Variants in DPP6 observed in about 807,000 individuals in gnomAD.
DPP6 encodes dipeptidyl peptidase like 6, also known as A-type potassium channel modulatory protein DPP6.
In DPP6, 69 loss-of-function variants were observed where a neutral mutation model predicts 122.6. The observed-to-expected ratio is 0.56, with a 90% CI of 0.46 to 0.69. DPP6 has a LOEUF of 0.69. DPP6 is among the 30% of genes least tolerant of loss of function. The pLI, the probability that DPP6 is intolerant of heterozygous loss-of-function variation, is 0.00. For synonymous variants in DPP6, 418 were observed against 433.1 expected (o/e 0.97, Z 0.43); for missense variants, 928 against 1,116.9 (o/e 0.83, Z 2.41).
At chr7:153,832,955 G>A in the DPP6 span, among the ~76,000 whole-genome samples, 1,158 of 152,274 alleles carry the variant, frequency 7.6e-3, 19 homozygotes, top group African/African-American at 0.027. Context: ...AAGCTCAGAT[G>A]TGGGGTGGTA....
intron 1 of DPP6, among the ~76,000 whole-genome samples, chr7:154,438,342 A>C (rs894688052): frequency 5.3e-5 from 8 of 151,346 alleles, no homozygotes; most frequent in Admixed American, 1.3e-4. Flanking sequence ...TGGTGGCGGG[A>C]GCCTGTAGTC....
chr7:154,014,579 T>C (rs1338498857), intron 1 of DPP6, among the ~76,000 whole-genome samples: 2 of 151,968 alleles, frequency 1.3e-5, no homozygotes, highest in Non-Finnish European at 2.9e-5. Flanking sequence ...CGCTTATTGC[T>C]TGAACCTGGG....
intron 1 of DPP6, chr7:153,887,759 G>T (rs771469463): frequency 1.1e-5 from 18 of 1,611,190 alleles, no homozygotes; most frequent in South Asian, 4.4e-5. Context: ...CAGGGCGCGC[G>T]CTGGGTCGGG....
At position 154,832,149 on chromosome 7, in the gene DPP6, G is replaced by A. The variant is rs569134264; in HGVS notation, c.1667-21631G>A. On this transcript the variant is annotated intron_variant, in intron 16 of 25. Coordinates refer to ENST00000377770, the MANE Select transcript of DPP6 (RefSeq NM_130797.4). ...TGACTCTTCTTTCCCTCATGCGTTC[G>A]GCTCAGTTCCTGAGTGGCTGCCGTA... is the stretch of plus-strand genomic sequence containing the variant. 3.3e-4 allele frequency among the ~76,000 whole-genome samples: 50 copies of A among 152,236 alleles called. No homozygotes were observed. In the South Asian group the frequency reaches 9.6e-3, roughly 29 times the overall value.
intron 10 of DPP6, among the ~76,000 whole-genome samples, chr7:154,779,308 C>A (rs1319506600): frequency 1.3e-5 from 2 of 150,402 alleles, no homozygotes; most frequent in African/African-American, 2.4e-5. Context: ...TCACCACCAC[C>A]CCCACCATCG....
At chr7:153,819,631 G>A in the DPP6 span, among the ~76,000 whole-genome samples, 2 of 152,104 alleles carry the variant, frequency 1.3e-5, no homozygotes. Context: ...AGTCACAGAA[G>A]TAAATGTAGT....
intron 8 of DPP6, among the ~76,000 whole-genome samples, chr7:154,738,851 G>A (rs1586990369): frequency 6.6e-6 from 1 of 152,356 alleles, no homozygotes; most frequent in South Asian, 2.1e-4. Context: ...AGATGTGCTG[G>A]TGGGGACAGG....
chr7:154,082,820 G>A (rs1398832535), intron 1 of DPP6, among the ~76,000 whole-genome samples: 1 of 149,580 alleles, frequency 6.7e-6, no homozygotes, highest in Non-Finnish European at 1.5e-5. Context: ...GAAGGATGGT[G>A]CTGTGTGTGC....
the DPP6 span, among the ~76,000 whole-genome samples, chr7:153,870,289 A>C: frequency 6.6e-6 from 1 of 152,192 alleles, no homozygotes; most frequent in African/African-American, 2.4e-5. Context: ...CAGGTACACC[A>C]ATCAGATGTA....
At chr7:154,407,038 T>C (rs1188762638) in intron 1 of DPP6, among the ~76,000 whole-genome samples, 1 of 152,202 alleles carries the variant, frequency 6.6e-6, no homozygotes, top group African/African-American at 2.4e-5. Context: ...CTCATCTTAG[T>C]GACAGTACTT....
intron 3 of DPP6, among the ~76,000 whole-genome samples, chr7:154,506,653 C>T (rs948437077): frequency 1.3e-5 from 2 of 152,066 alleles, no homozygotes; most frequent in African/African-American, 4.8e-5. Context: ...CTTCTTCATT[C>T]TTTCATGGAT....
chr7:154,668,220 A>ATATAT lies in DPP6; in HGVS notation c.681-1136_681-1135insTTATA, dbSNP rs59348250. Among the ~76,000 whole-genome samples the ATATAT allele has an allele frequency of 6.4e-4, 16 of 24,986 alleles. 2 individuals carry two copies. Among genetic ancestry groups the ATATAT allele is most frequent in the South Asian group, 7.1e-3 (2 of 282 alleles). The allele number at this position is 24,986 out of a possible 152,430, so 16.4% of individuals were successfully genotyped here. A position where few individuals can be genotyped will look rare whatever the true frequency, so the allele number is the denominator to read the frequency against. On this transcript the variant is annotated intron_variant, in intron 6 of 25. Coordinates refer to ENST00000377770, the MANE Select transcript of DPP6 (RefSeq NM_130797.4). ...TTTTATATATATATATATATATATA[A>ATATAT]TATACACATTTTTTTTTCAAGACAG...
chr7:154,884,103 C>T (rs1324503069), intron 21 of DPP6: 2 of 143,652 alleles, frequency 1.4e-5, no homozygotes, highest in Non-Finnish European at 3.0e-5. Flanking sequence ...CTCACCCATA[C>T]ACATGCTCAC....
chr7:153,899,211 CCTT>C (rs1429444730), intron 1 of DPP6, among the ~76,000 whole-genome samples: 1 of 151,948 alleles, frequency 6.6e-6, no homozygotes. Context: ...TCCTCCTCCT[CCTT>C]CTCCTCCTCC....
chr7:154,522,985 C>T (rs570572091), intron 3 of DPP6, among the ~76,000 whole-genome samples: 3 of 152,194 alleles, frequency 2.0e-5, no homozygotes, highest in East Asian at 1.9e-4. Flanking sequence ...GGGCGGGGAT[C>T]GCCTTCCTGA....
chr7:154,771,613 T>A (rs903051185), intron 9 of DPP6, among the ~76,000 whole-genome samples: 4 of 152,210 alleles, frequency 2.6e-5, no homozygotes, highest in Admixed American at 2.6e-4. Flanking sequence ...TAATACAGGC[T>A]CCTTTCAACA....
the DPP6 span, among the ~76,000 whole-genome samples, chr7:153,876,241 G>GA: frequency 4.0e-5 from 6 of 151,378 alleles, no homozygotes; most frequent in Admixed American, 2.0e-4. Flanking sequence ...GAACATCCAA[G>GA]AAAAAAAATC....
intron 3 of DPP6, among the ~76,000 whole-genome samples, chr7:154,478,950 T>C (rs911963617): frequency 2.0e-5 from 3 of 150,604 alleles, no homozygotes; most frequent in East Asian, 1.9e-4. Context: ...TGATTTTGTT[T>C]TTTGTTTGTT....
intron 1 of DPP6, among the ~76,000 whole-genome samples, chr7:154,013,319 T>G (rs2129049419): frequency 6.6e-6 from 1 of 152,354 alleles, no homozygotes; most frequent in Admixed American, 6.5e-5. Context: ...TACTTCATTT[T>G]AATCATTCGA....
Sources: allele counts gnomAD v4.1 joint callset (sites outside exome capture counted in the v4.1 genomes callset), GRCh38; gene constraint gnomAD v4.1.1; transcripts MANE v1.5; gene names NCBI Gene and HGNC (gene_info 2026-07-23, HGNC 2026-07-21).